EPB41L4A: variants seen among roughly 807,000 people sequenced by gnomAD.
EPB41L4A encodes erythrocyte membrane protein band 4.1 like 4A.
A neutral mutation model predicts 108.6 loss-of-function variants in EPB41L4A; 100 were observed. The observed-to-expected ratio is 0.92, with a 90% CI of 0.78 to 1.09. EPB41L4A has a LOEUF of 1.09. Among genes scored for constraint, EPB41L4A ranks in the 50% least tolerant of loss-of-function variants. The pLI is 0.00. For missense variants in EPB41L4A, 1,030 were observed against 842.7 expected, an observed-to-expected ratio of 1.22 and a Z score of -2.75; for synonymous variants, 319 against 289.0, an observed-to-expected ratio of 1.10 and a Z score of -1.05.
chr5:112,147,402 G>T (rs1759299763), intron 12 of EPB41L4A, among the ~76,000 whole-genome samples: 1 of 151,702 alleles, frequency 6.6e-6, no homozygotes, highest in South Asian at 2.1e-4. Context: ...CACTTTGGGA[G>T]GCCGAGGCAG....
At chr5:112,170,075 G>C in intron 20 of EPB41L4A, 1 of 527,958 alleles carries the variant, frequency 1.9e-6, no homozygotes, top group Admixed American at 3.8e-5. Context: ...AAGCCCCCTT[G>C]TACCTACCAA....
At chr5:112,338,238 C>T (rs900229233) in intron 1 of EPB41L4A, among the ~76,000 whole-genome samples, 3 of 152,170 alleles carry the variant, frequency 2.0e-5, no homozygotes, top group African/African-American at 7.2e-5. Context: ...ATCTCATCTG[C>T]TCTCTAGCCA....
chr5:112,191,833 G>C (rs939407411), intron 17 of EPB41L4A, among the ~76,000 whole-genome samples: 9 of 152,152 alleles, frequency 5.9e-5, no homozygotes, highest in African/African-American at 1.7e-4. Flanking sequence ...TTGCCCGGTA[G>C]TTGTCCCTCT....
At chr5:112,305,280 G>A (rs976792837) in intron 2 of EPB41L4A, among the ~76,000 whole-genome samples, 1 of 152,106 alleles carries the variant, frequency 6.6e-6, no homozygotes, top group African/African-American at 2.4e-5. Flanking sequence ...AATATTTACA[G>A]TCGGTGGTGC....
intron 1 of EPB41L4A, among the ~76,000 whole-genome samples, chr5:112,391,435 T>C (rs894248316): frequency 9.2e-5 from 14 of 152,298 alleles, no homozygotes; most frequent in Admixed American, 6.5e-4. Flanking sequence ...ATGACGCATG[T>C]ACAAGCTTCA....
At chr5:112,347,686 G>C (rs1757773910) in intron 1 of EPB41L4A, among the ~76,000 whole-genome samples, 1 of 152,130 alleles carries the variant, frequency 6.6e-6, no homozygotes. Context: ...GAACATAATT[G>C]AATATTTGTG....
intron 1 of EPB41L4A, among the ~76,000 whole-genome samples, chr5:112,349,212 G>C (rs766746592): frequency 6.6e-6 from 1 of 152,134 alleles, no homozygotes; most frequent in Non-Finnish European, 1.5e-5. Context: ...GGAAAAGGGG[G>C]AATAAGGACA....
At chr5:112,364,683 T>C (rs980078442) in intron 1 of EPB41L4A, among the ~76,000 whole-genome samples, 4 of 152,254 alleles carry the variant, frequency 2.6e-5, no homozygotes, top group African/African-American at 9.6e-5. Context: ...TTTAAAAGGC[T>C]TTCTCTAAAT....
At chr5:112,220,731 C>G (rs1747985632) in intron 12 of EPB41L4A, among the ~76,000 whole-genome samples, 1 of 152,196 alleles carries the variant, frequency 6.6e-6, no homozygotes, top group Admixed American at 6.5e-5. Context: ...TCCCAACCCT[C>G]TGTCATTTTC....
In EPB41L4A at chr5:112,361,703, T is replaced by TA. The variant is rs200811023; in HGVS notation, c.100-54214dup. On this transcript the variant is annotated intron_variant, in intron 1 of 22. Coordinates refer to ENST00000261486, the MANE Select transcript of EPB41L4A (RefSeq NM_022140.5). The stretch of plus-strand genomic sequence containing the variant: ...AAAATAAAAAGAACACCAAAAATGC[T>TA]AAAAAAAAATAATAATAATAATAAT... Among the ~76,000 whole-genome samples, 473 of 140,132 alleles carry TA rather than the reference T, an allele frequency of 3.4e-3. 4 individuals carry two copies. Among genetic ancestry groups the TA allele is most frequent in the South Asian group, 3.1e-3 (13 of 4,252 alleles). 91.9% of individuals were successfully genotyped at this position (140,132 alleles called of 152,430 possible).
At chr5:112,151,501 G>A (rs1293851758) in intron 12 of EPB41L4A, among the ~76,000 whole-genome samples, 1 of 151,874 alleles carries the variant, frequency 6.6e-6, no homozygotes, top group Non-Finnish European at 1.5e-5. Context: ...TCAACCTCCA[G>A]GGTTCAAGTG....
intron 4 of EPB41L4A, among the ~76,000 whole-genome samples, chr5:112,274,980 C>G (rs1325406177): frequency 2.0e-5 from 3 of 152,162 alleles, no homozygotes; most frequent in African/African-American, 7.2e-5. Flanking sequence ...TTTAGAAGTA[C>G]AAACTGAACA....
chr5:112,386,641 A>G (rs1760549464), intron 1 of EPB41L4A, among the ~76,000 whole-genome samples: 1 of 152,220 alleles, frequency 6.6e-6, no homozygotes, highest in Non-Finnish European at 1.5e-5. Context: ...TATAGAAGAA[A>G]GTTTTAAATG....
At position 112,264,893 on chromosome 5, in the gene EPB41L4A, T is replaced by A; in HGVS notation, c.554+3A>T. On this transcript the variant is annotated splice_donor_region_variant and intron_variant, in intron 6 of 22. Coordinates refer to ENST00000261486, the MANE Select transcript of EPB41L4A (RefSeq NM_022140.5). ...CAATAAGACATGGTGTAATGATTCT[T>A]ACATTAGAGTTTTATGAATCCTTTC... is the stretch of plus-strand genomic sequence containing the variant. The A allele has an allele frequency of 6.2e-7, 1 of 1,609,072 alleles. No homozygotes were observed.
At chr5:112,358,457 C>T (rs1002090271) in intron 1 of EPB41L4A, among the ~76,000 whole-genome samples, 4 of 152,176 alleles carry the variant, frequency 2.6e-5, no homozygotes, top group African/African-American at 7.2e-5. Context: ...GATCCTGATA[C>T]GTACCCATGG....
At chr5:112,387,681 A>G (rs1023031659) in intron 1 of EPB41L4A, among the ~76,000 whole-genome samples, 1 of 152,226 alleles carries the variant, frequency 6.6e-6, no homozygotes, top group Non-Finnish European at 1.5e-5. Context: ...TTTTCCTTTG[A>G]GCTGCAAAGT....
intron 12 of EPB41L4A, among the ~76,000 whole-genome samples, chr5:112,152,696 G>T (rs2112809322): frequency 6.6e-6 from 1 of 152,178 alleles, no homozygotes; most frequent in South Asian, 2.1e-4. Flanking sequence ...GGACTAAGAT[G>T]ACAATGACAT....
rs12521830 is a variant in EPB41L4A, at chr5:112,275,379, A to G, written c.282T>C (p.Phe94=). 538,583 of 1,539,744 alleles carry G rather than the reference A, an allele frequency of 0.35. 97,497 individuals are homozygous for G. Among genetic ancestry groups the G allele is most frequent in the African/African-American group, 0.4 (29,294 of 73,050 alleles). ...GATCTTCAGCATAGAATTTAATACC[A>G]AAATACAAAGTATATGGAGGTCCAG... is the stretch of plus-strand genomic sequence containing the variant. ...INTGPPYTLY[F]GIKFYAEDPC... The change falls in exon 4 of 23, where the codon TTT becomes TTC. Residue 94 remains phenylalanine (F), a synonymous_variant. Transcript: ENST00000261486.
chr5:112,254,149 C>T (rs1750899180), intron 9 of EPB41L4A, among the ~76,000 whole-genome samples: 1 of 152,182 alleles, frequency 6.6e-6, no homozygotes, highest in African/African-American at 2.4e-5. Flanking sequence ...TTCATTCTTT[C>T]ATTTATTTCA....
Sources: gnomAD v4.1 joint callset for allele counts (sites outside exome capture counted in the v4.1 genomes callset) on GRCh38, gnomAD v4.1.1 for gene constraint, MANE v1.5 for transcripts, NCBI Gene and HGNC (gene_info 2026-07-23, HGNC 2026-07-21) for gene names.